ZFX: variants seen among roughly 807,000 people sequenced by gnomAD.
ZFX encodes zinc finger X-chromosomal protein.
For synonymous variants in ZFX, 196 were observed against 226.8 expected, an observed-to-expected ratio of 0.86 and a Z score of 1.22; for missense variants, 362 against 628.3, an observed-to-expected ratio of 0.58 and a Z score of 4.53.
intron 5 of ZFX, among the ~76,000 whole-genome samples, chrX:24,199,661 T>C (rs1042088097): frequency 9.0e-6 from 1 of 111,367 alleles, no homozygotes; most frequent in Admixed American, 9.6e-5. Flanking sequence ...CTCATGCCTG[T>C]AATCCCAGCA....
In ZFX at chrX:24,213,285, G is replaced by T. The variant is rs1477083265; in HGVS notation, c.*1909G>T. On this transcript the variant is annotated 3_prime_UTR_variant, in exon 10 of 10. Transcript: ENST00000304543. ...AACTTGGTTATGTTAAGACGAATCTGGGAGAACAGAAAACAGTTTTTGGGG... is the reference window on the plus strand; with the variant it reads ...AACTTGGTTATGTTAAGACGAATCTTGGAGAACAGAAAACAGTTTTTGGGG... 3 of 112,001 alleles carry T rather than the reference G, an allele frequency of 2.7e-5. No individual in the cohort carries two copies. The highest frequency in any genetic ancestry group is 9.8e-5 in the African/African-American group (3 of 30,749). 9.2% of individuals were successfully genotyped at this position (112,001 alleles called of 1,213,427 possible).
At chrX:24,197,130 G>T (rs1184172309) in intron 5 of ZFX, among the ~76,000 whole-genome samples, 4 of 111,962 alleles carry the variant, frequency 3.6e-5, no homozygotes, top group Non-Finnish European at 7.5e-5. Context: ...GGTTAGCACT[G>T]ATCTGCAGGC....
Position 24,215,902 on chromosome X carries a change from A to G in ZFX, c.*4526A>G, listed in dbSNP as rs2148111161. On this transcript the variant is annotated 3_prime_UTR_variant, in exon 10 of 10. Coordinates refer to ENST00000304543, the MANE Select transcript of ZFX (RefSeq NM_003410.4). ...AGGGTTACTTAAATAAATCATAACCATTTTGCCACATTCTGTAACTGTTTA... is the reference window on the plus strand; with the variant it reads ...AGGGTTACTTAAATAAATCATAACCGTTTTGCCACATTCTGTAACTGTTTA... 9.0e-6 allele frequency: 1 copy of G among 110,543 alleles called. No individual in the cohort carries two copies. Among genetic ancestry groups the G allele is most frequent in the East Asian group, 2.8e-4 (1 of 3,514 alleles). 9.1% of individuals were successfully genotyped at this position (110,543 alleles called of 1,213,427 possible).
In ZFX at chrX:24,202,687, A is replaced by T. The variant is rs145879221; in HGVS notation, c.647-4639A>T. 3.2e-3 allele frequency among the ~76,000 whole-genome samples: 356 copies of T among 111,672 alleles called. 1 individual carries two copies. Among genetic ancestry groups the T allele is most frequent in the African/African-American group, 0.01 (321 of 30,745 alleles). On this transcript the variant is annotated intron_variant, in intron 5 of 9. Coordinates refer to ENST00000304543, the MANE Select transcript of ZFX (RefSeq NM_003410.4). Reference sequence around the variant, plus strand: ...GCATTCCCCAGGACTCTGTCCTCACACTGCAGATTCTCACTGCATGATGGC... The same window carrying T: ...GCATTCCCCAGGACTCTGTCCTCACTCTGCAGATTCTCACTGCATGATGGC...
intron 5 of ZFX, 54 bp from the exon 6 acceptor site, chrX:24,207,272 A>G: frequency 9.9e-7 from 1 of 1,010,055 alleles, no homozygotes; most frequent in Non-Finnish European, 1.3e-6. Context: ...TGCGAATAGT[A>G]ACATTTTATT....
At chrX:24,202,958 T>G (rs1407490024) in intron 5 of ZFX, among the ~76,000 whole-genome samples, 5 of 111,748 alleles carry the variant, frequency 4.5e-5, no homozygotes, top group African/African-American at 1.6e-4. Flanking sequence ...AATCACATAT[T>G]CCAAGAGAAG....
chrX:24,178,857 G>A (rs745618100), intron 4 of ZFX, among the ~76,000 whole-genome samples: 1 of 111,826 alleles, frequency 8.9e-6, no homozygotes, highest in East Asian at 2.8e-4. Context: ...TGGGAATACA[G>A]GTGTGAAGCC....
chrX:24,208,071 G>A (rs1366614213), intron 7 of ZFX, 147 bp from the exon 8 acceptor site: 10 of 856,949 alleles, frequency 1.2e-5, no homozygotes, highest in South Asian at 2.5e-5. Flanking sequence ...AATATGTATT[G>A]AGTGCTTACT....
chrX:24,156,642 TC>T (rs1323663312), intron 3 of ZFX, among the ~76,000 whole-genome samples: 1 of 107,290 alleles, frequency 9.3e-6, no homozygotes, highest in Non-Finnish European at 1.9e-5. Context: ...ATCTATACTA[TC>T]CTGATTTAAT....
At position 24,150,691 on chromosome X, in the gene ZFX, T is replaced by C. The variant is rs1931992382; in HGVS notation, c.-250+897T>C. ...CCGGACACCTGGGCTTACCAGGGCA[T>C]ACGGGACCCCAGGAAATGTTATTTT... is the stretch of plus-strand genomic sequence containing the variant. On this transcript the variant is annotated intron_variant, in intron 1 of 9. Transcript: ENST00000304543. The C allele has an allele frequency of 3.5e-5, 4 of 113,427 alleles. No individual in the cohort carries two copies. The South Asian group carries it at 1.4e-3, about 40-fold the overall frequency. The allele number at this position is 113,427 out of a possible 1,213,427, so 9.3% of individuals were successfully genotyped here. A position where few individuals can be genotyped will look rare whatever the true frequency, so the allele number is the denominator to read the frequency against.
chrX:24,213,838 G>A lies in ZFX; in HGVS notation c.*2462G>A, dbSNP rs1028417887. On this transcript the variant is annotated 3_prime_UTR_variant, in exon 10 of 10. Transcript: ENST00000304543. ...ATAATGTAAAAACACTTAAATGAAA[G>A]TGGAAATGTATTAATTTTAAATCCT... The A allele has an allele frequency of 1.8e-5, 2 of 110,499 alleles. No individual in the cohort carries two copies. The highest frequency in any genetic ancestry group is 6.6e-5 in the African/African-American group (2 of 30,271). 9.1% of individuals were successfully genotyped at this position (110,499 alleles called of 1,213,427 possible).
At chrX:24,187,263 T>G (rs1476169436) in intron 5 of ZFX, among the ~76,000 whole-genome samples, 1 of 111,535 alleles carries the variant, frequency 9.0e-6, no homozygotes, top group East Asian at 2.8e-4. Context: ...AAACCAGTTA[T>G]GTTTTATTCC....
At chrX:24,165,799 CT>C (rs1933946731) in intron 3 of ZFX, among the ~76,000 whole-genome samples, 1 of 112,242 alleles carries the variant, frequency 8.9e-6, no homozygotes, top group Admixed American at 9.5e-5. Flanking sequence ...AGGTAGAATA[CT>C]TCAGTAGAGG....
Position 24,214,720 on chromosome X carries a change from GGATTT to G in ZFX, c.*3346_*3350del, listed in dbSNP as rs768265406. 4.5e-5 allele frequency: 5 copies of G among 111,999 alleles called. No individual in the cohort carries two copies. The highest frequency in any genetic ancestry group is 9.4e-5 in the Non-Finnish European group (5 of 53,210). 9.2% of individuals were successfully genotyped at this position (111,999 alleles called of 1,213,427 possible). ...TCATTTTTTCTTTTATCTTCATAAAGGATTTGTTTTATTAGCATCTCCAATTCCCC... is the reference window on the plus strand; with the variant it reads ...TCATTTTTTCTTTTATCTTCATAAAGGTTTTATTAGCATCTCCAATTCCCC... On this transcript the variant is annotated 3_prime_UTR_variant, in exon 10 of 10. Transcript: ENST00000304543.
At chrX:24,172,980 A>G in intron 4 of ZFX, 180 bp downstream of exon 4, 1 of 359,730 alleles carries the variant, frequency 2.8e-6, no homozygotes. Context: ...CTCCCTCACA[A>G]CCAACTCTCA....
At chrX:24,150,190 G>C (rs1402848963) in intron 1 of ZFX, 1 of 94,688 alleles carries the variant, frequency 1.1e-5, no homozygotes, top group Non-Finnish European at 2.1e-5. Context: ...GAGGGGGGGG[G>C]AGGGACGGGG....
At chrX:24,172,971 T>C (rs1007098840) in intron 4 of ZFX, 171 bp downstream of exon 4, 1 of 385,770 alleles carries the variant, frequency 2.6e-6, no homozygotes, top group Non-Finnish European at 4.2e-6. Flanking sequence ...AAGATGTGGC[T>C]CCCTCACAAC....
intron 5 of ZFX, among the ~76,000 whole-genome samples, chrX:24,188,217 G>T (rs1339311173): frequency 1.8e-5 from 2 of 109,365 alleles, no homozygotes; most frequent in Non-Finnish European, 3.8e-5. Flanking sequence ...GCTTGAGGGA[G>T]ACAAATGCTA....
At chrX:24,206,544 TG>T (rs1937594958) in intron 5 of ZFX, among the ~76,000 whole-genome samples, 1 of 97,269 alleles carries the variant, frequency 1.0e-5, no homozygotes, top group African/African-American at 4.1e-5. Context: ...TGTGTGTGTG[TG>T]TGTGTATTTT....
Sources: gnomAD v4.1 joint callset for allele counts (sites outside exome capture counted in the v4.1 genomes callset) on GRCh38, gnomAD v4.1.1 for gene constraint, MANE v1.5 for transcripts, NCBI Gene and HGNC (gene_info 2026-07-23, HGNC 2026-07-21) for gene names.